The following BMAL2 variants were observed in gnomAD, a reference collection of about 807,000 sequenced individuals.
BMAL2 encodes basic helix-loop-helix ARNT-like protein 2.
the BMAL2 span, among the ~76,000 whole-genome samples, chr12:27,352,405 G>A: frequency 1.3e-5 from 2 of 152,166 alleles, no homozygotes; most frequent in African/African-American, 4.8e-5. Flanking sequence ...AGGCATCGAA[G>A]GAACATACCT....
At chr12:27,343,759 C>A in the BMAL2 span, among the ~76,000 whole-genome samples, 2 of 152,152 alleles carry the variant, frequency 1.3e-5, no homozygotes, top group Admixed American at 6.5e-5. Context: ...TTTTGCCCAT[C>A]CCTGGATTAG....
chr12:27,391,159 C>T, the BMAL2 span, among the ~76,000 whole-genome samples: 1 of 152,052 alleles, frequency 6.6e-6, no homozygotes, highest in Non-Finnish European at 1.5e-5. Flanking sequence ...GCATAGTACC[C>T]AGTAGATAGT....
the BMAL2 span, among the ~76,000 whole-genome samples, chr12:27,339,303 T>G: frequency 1.3e-5 from 2 of 152,256 alleles, no homozygotes; most frequent in African/African-American, 4.8e-5. Flanking sequence ...ATTCTTTTTA[T>G]GGCTACATAA....
chr12:27,389,215 C>T, the BMAL2 span: 4 of 1,612,596 alleles, frequency 2.5e-6, no homozygotes, highest in Non-Finnish European at 2.5e-6. Flanking sequence ...TGACTTCTTA[C>T]ATCCAAAAGA....
chr12:27,342,513 AG>A, the BMAL2 span, among the ~76,000 whole-genome samples: 1 of 152,244 alleles, frequency 6.6e-6, no homozygotes, highest in Non-Finnish European at 1.5e-5. Context: ...TACTTGACAG[AG>A]GGCATTATCA....
At chr12:27,396,165 A>G in the BMAL2 span, among the ~76,000 whole-genome samples, 6 of 152,350 alleles carry the variant, frequency 3.9e-5, no homozygotes, top group South Asian at 1.2e-3. Flanking sequence ...TGTTACGACA[A>G]CCTGAGCAGA....
At chr12:27,410,664 G>A in the BMAL2 span, among the ~76,000 whole-genome samples, 3 of 152,064 alleles carry the variant, frequency 2.0e-5, no homozygotes, top group African/African-American at 4.8e-5. Context: ...GTTAATGGGT[G>A]CAGCACACCA....
chr12:27,401,691 G>A, the BMAL2 span: 5 of 1,535,772 alleles, frequency 3.3e-6, no homozygotes, highest in Admixed American at 1.9e-5. Flanking sequence ...AATTTTTTAT[G>A]TTAAGACCTT....
the BMAL2 span, among the ~76,000 whole-genome samples, chr12:27,378,501 C>T: frequency 7.2e-5 from 11 of 152,130 alleles, no homozygotes; most frequent in South Asian, 2.1e-4. Context: ...AGATGTGAGA[C>T]GGTATGGCAT....
the BMAL2 span, among the ~76,000 whole-genome samples, chr12:27,410,426 T>A: frequency 5.9e-5 from 9 of 152,216 alleles, no homozygotes; most frequent in African/African-American, 2.2e-4. Flanking sequence ...TAAAAAATGA[T>A]GAGTTCATGT....
the BMAL2 span, among the ~76,000 whole-genome samples, chr12:27,408,823 A>G: frequency 6.6e-6 from 1 of 152,244 alleles, no homozygotes; most frequent in Non-Finnish European, 1.5e-5. Context: ...TGCAGATGAC[A>G]TGATTGTATA....
the BMAL2 span, chr12:27,424,370 G>A: frequency 1.3e-5 from 2 of 152,168 alleles, no homozygotes; most frequent in Non-Finnish European, 1.5e-5. Flanking sequence ...AATATCAGAT[G>A]TGTTATTACA....
the BMAL2 span, chr12:27,425,100 C>G: frequency 6.6e-6 from 1 of 152,122 alleles, no homozygotes; most frequent in Non-Finnish European, 1.5e-5. Flanking sequence ...GTGTATGTCA[C>G]TTCTCATATA....
chr12:27,377,367 T>G, the BMAL2 span: 1 of 152,276 alleles, frequency 6.6e-6, no homozygotes, highest in East Asian at 1.9e-4. Flanking sequence ...TGCCCTGGGT[T>G]TCCTGGCTCC....
At chr12:27,408,143 C>G in the BMAL2 span, among the ~76,000 whole-genome samples, 1 of 152,124 alleles carries the variant, frequency 6.6e-6, no homozygotes, top group Non-Finnish European at 1.5e-5. Flanking sequence ...GATGGATTCA[C>G]AGCCGAATTC....
At chr12:27,378,564 G>T in the BMAL2 span, among the ~76,000 whole-genome samples, 1 of 152,210 alleles carries the variant, frequency 6.6e-6, no homozygotes, top group African/African-American at 2.4e-5. Flanking sequence ...ATTTGGAGCT[G>T]TCGGGGAAAG....
chr12:27,393,801 C>T, the BMAL2 span, among the ~76,000 whole-genome samples: 1 of 152,252 alleles, frequency 6.6e-6, no homozygotes, highest in South Asian at 2.1e-4. Flanking sequence ...TGTAGTGGAC[C>T]TTATGTGAGA....
the BMAL2 span, among the ~76,000 whole-genome samples, chr12:27,382,450 G>T: frequency 8.1e-4 from 124 of 152,326 alleles, 1 homozygote; most frequent in Non-Finnish European, 1.5e-3. Flanking sequence ...TGCGATGAAT[G>T]TTACAGCAGT....
the BMAL2 span, among the ~76,000 whole-genome samples, chr12:27,352,904 A>G: frequency 6.6e-6 from 1 of 152,194 alleles, no homozygotes; most frequent in Admixed American, 6.5e-5. Flanking sequence ...GAGAATGACA[A>G]AACACTGCTC....
Sources: gnomAD v4.1 joint callset for allele counts (sites outside exome capture counted in the v4.1 genomes callset) on GRCh38, gnomAD v4.1.1 for gene constraint, MANE v1.5 for transcripts, NCBI Gene and HGNC (gene_info 2026-07-23, HGNC 2026-07-21) for gene names.